ABCC2: variants seen among roughly 807,000 people sequenced by gnomAD.
ABCC2 encodes ATP binding cassette subfamily C member 2, also known as ATP-binding cassette sub-family C member 2.
In ABCC2, 157 loss-of-function variants were observed where a neutral mutation model predicts 173.4. The ratio of observed to expected loss-of-function variants is 0.91; its 90% CI spans 0.80 to 1.03. The LOEUF (loss-of-function observed/expected upper bound fraction) is 1.03, where lower values mean the gene tolerates loss of function less well. ABCC2 is among the 50% of genes least tolerant of loss of function. The probability of loss-of-function intolerance (pLI) is 0.00; values close to 1 mark genes in which losing one functional copy is unlikely to be tolerated. For synonymous variants in ABCC2, 657 were observed against 693.5 expected (o/e 0.95, Z 0.83); for missense variants, 1,822 against 1,852.3 (o/e 0.98, Z 0.30).
intron 7 of ABCC2, chr10:99,797,934 T>C (rs1816901963): frequency 6.2e-6 from 1 of 160,212 alleles, no homozygotes; most frequent in Non-Finnish European, 1.4e-5. Context: ...TGTGTTCCAG[T>C]CAGAAGGAGC....
intron 2 of ABCC2, among the ~76,000 whole-genome samples, chr10:99,787,285 C>G (rs2756105): frequency 6.6e-6 from 1 of 152,016 alleles, no homozygotes; most frequent in Non-Finnish European, 1.5e-5. Context: ...CCTTAGCAAC[C>G]GCTAAATCTC....
At chr10:99,792,185 C>A (rs1181891303) in intron 2 of ABCC2, 49 bp from the exon 3 acceptor site, 2 of 1,611,486 alleles carry the variant, frequency 1.2e-6, no homozygotes, top group Non-Finnish European at 1.7e-6. Context: ...GTTCTAAGAG[C>A]CTTATAAAGA....
chr10:99,831,850 C>A lies in ABCC2; in HGVS notation c.3103+20C>A, dbSNP rs373894800. The A allele has an allele frequency of 2.5e-5, 40 of 1,612,938 alleles. No homozygotes were observed. The highest frequency in any genetic ancestry group is 3.0e-5 in the Non-Finnish European group (35 of 1,179,016). ...CCCAAGGTATGTCTGATGGCTATGA[C>A]ATCTTACAGAATCTGTCTGGACCCT... On this transcript the variant is annotated intron_variant, in intron 22 of 31. Coordinates refer to ENST00000647814, the MANE Select transcript of ABCC2 (RefSeq NM_000392.5).
intron 19 of ABCC2, among the ~76,000 whole-genome samples, chr10:99,829,627 A>G (rs1435147327): frequency 6.6e-6 from 1 of 152,174 alleles, no homozygotes; most frequent in Non-Finnish European, 1.5e-5. Context: ...TTGAATTTCA[A>G]GATGAGCATT....
At chr10:99,806,073 C>CTCTCTCTGTGTG (rs779146023) in intron 11 of ABCC2, among the ~76,000 whole-genome samples, 33 of 42,940 alleles carry the variant, frequency 7.7e-4, no homozygotes, top group Admixed American at 1.6e-3. Context: ...CTCTCTCTCT[C>CTCTCTCTGTGTG]TGTCTGTGTG....
rs1454989967 is a variant in ABCC2, at chr10:99,800,553, T to C, written c.1199T>C (p.Val400Ala). 3 of 1,613,912 alleles carry C rather than the reference T, an allele frequency of 1.9e-6. No individual in the cohort carries two copies. Among genetic ancestry groups the C allele is most frequent in the South Asian group, 2.2e-5 (2 of 91,080 alleles). ...VKVRTAIMAS[V>A]YKKALTLSNL... is the part of the protein sequence containing the mutation. ...GTACGGACAGCTATCATGGCTTCTG[T>C]ATATAAGAAGGTAAGCAGAATACGG... The change falls in exon 9 of 32, where the codon GTA becomes GCA. Residue 400 changes from valine to alanine, a missense_variant. Val to Ala is a moderately conservative substitution (Grantham distance 64). Transcript: ENST00000647814.
At chr10:99,845,822 C>T in intron 29 of ABCC2, 40 bp downstream of exon 29, 1 of 1,579,408 alleles carries the variant, frequency 6.3e-7, no homozygotes, top group African/African-American at 1.3e-5. Context: ...CCGTGGGGAG[C>T]AGCTTGTTTT....
intron 26 of ABCC2, among the ~76,000 whole-genome samples, 153 bp downstream of exon 26, chr10:99,842,246 A>G (rs887765946): frequency 8.5e-5 from 13 of 152,318 alleles, no homozygotes; most frequent in African/African-American, 2.6e-4. Flanking sequence ...TCTTTTACCC[A>G]TGGACGTATT....
At chr10:99,825,891 G>A (rs1014966610) in intron 19 of ABCC2, among the ~76,000 whole-genome samples, 1 of 152,218 alleles carries the variant, frequency 6.6e-6, no homozygotes, top group Non-Finnish European at 1.5e-5. Context: ...GAAACACTTG[G>A]GACAGTGGGT....
chr10:99,792,136 T>G, intron 2 of ABCC2, 98 bp from the exon 3 acceptor site: 1 of 1,452,574 alleles, frequency 6.9e-7, no homozygotes, highest in Non-Finnish European at 9.6e-7. Flanking sequence ...TCTGAATCAC[T>G]GCATACCGCT....
rs1426396785 is a variant in ABCC2 at position 99,852,136 on chromosome 10, T to C, written c.*505T>C. On this transcript the variant is annotated 3_prime_UTR_variant, in exon 32 of 32. Transcript: ENST00000647814. ...CAGCACAATGTATCAGTTTTAATAT[T>C]GGGGATCATTAGCATTATTCTCAGG... 1 of 158,470 alleles carries C rather than the reference T, an allele frequency of 6.3e-6. No homozygotes were observed. 9.8% of individuals were successfully genotyped at this position (158,470 alleles called of 1,614,324 possible). A position where few individuals can be genotyped will look rare whatever the true frequency, so the allele number is the denominator to read the frequency against.
chr10:99,812,324 A>G (rs2038230160), intron 15 of ABCC2, among the ~76,000 whole-genome samples: 1 of 152,178 alleles, frequency 6.6e-6, no homozygotes, highest in African/African-American at 2.4e-5. Context: ...CTTCCACTTC[A>G]CTGTTATAGG....
intron 16 of ABCC2, among the ~76,000 whole-genome samples, chr10:99,814,665 A>G (rs1287718823): frequency 7.2e-6 from 1 of 139,446 alleles, no homozygotes; most frequent in African/African-American, 2.6e-5. Flanking sequence ...ACATATGTGT[A>G]TATACACATA....
At position 99,793,933 on chromosome 10, in the gene ABCC2, C is replaced by T. The variant is rs1321337238; in HGVS notation, c.510C>T (p.Ile170=). The change falls in exon 5 of 32, where the codon ATC becomes ATT. Residue 170 remains isoleucine (I), a synonymous_variant. Coordinates refer to ENST00000647814, the MANE Select transcript of ABCC2 (RefSeq NM_000392.5). Reference sequence around the variant, plus strand: ...TAGCCTACTCCTGCCTGTTCTTCATCTCCTACGGATTCCAGATCCTGATCC... The same window carrying T: ...TAGCCTACTCCTGCCTGTTCTTCATTTCCTACGGATTCCAGATCCTGATCC... ...SNLAYSCLFF[I]SYGFQILILI... is the part of the protein sequence containing the mutation. The T allele has an allele frequency of 6.2e-7, 1 of 1,614,004 alleles. No individual in the cohort carries two copies. Among genetic ancestry groups the T allele is most frequent in the Non-Finnish European group, 8.5e-7 (1 of 1,179,930 alleles).
At chr10:99,807,337 C>G in intron 11 of ABCC2, 47 bp from the exon 12 acceptor site, 2 of 1,613,506 alleles carry the variant, frequency 1.2e-6, no homozygotes, top group Non-Finnish European at 1.7e-6. Flanking sequence ...CACCTGGTGC[C>G]CTTTCAGGGG....
intron 11 of ABCC2, among the ~76,000 whole-genome samples, chr10:99,806,474 G>A (rs2038107188): frequency 6.6e-6 from 1 of 152,180 alleles, no homozygotes; most frequent in Non-Finnish European, 1.5e-5. Flanking sequence ...CCAGACATGT[G>A]TATTTTTTTA....
intron 11 of ABCC2, among the ~76,000 whole-genome samples, chr10:99,806,855 GC>G (rs1250594802): frequency 6.6e-6 from 1 of 152,140 alleles, no homozygotes; most frequent in African/African-American, 2.4e-5. Flanking sequence ...ATGAAACAGA[GC>G]CCCCTTTTAA....
At chr10:99,785,816 CCT>C (rs938564702) in intron 2 of ABCC2, among the ~76,000 whole-genome samples, 66 of 152,106 alleles carry the variant, frequency 4.3e-4, no homozygotes, top group African/African-American at 1.4e-3. Context: ...ACCTGCACAG[CCT>C]CTGTCAGTCC....
intron 16 of ABCC2, among the ~76,000 whole-genome samples, chr10:99,815,923 G>A (rs1564686961): frequency 1.3e-5 from 2 of 150,808 alleles, no homozygotes; most frequent in Non-Finnish European, 2.9e-5. Flanking sequence ...TCATAACTGG[G>A]TTCTTCCTCA....
Sources: allele counts gnomAD v4.1 joint callset (sites outside exome capture counted in the v4.1 genomes callset), GRCh38; gene constraint gnomAD v4.1.1; transcripts MANE v1.5; gene names NCBI Gene and HGNC (gene_info 2026-07-23, HGNC 2026-07-21).